SHC1: variants seen among roughly 807,000 people sequenced by gnomAD.
SHC1 encodes the protein SHC-transforming protein 1.
Under a neutral mutation model 55.9 loss-of-function variants are expected in SHC1, and 30 were observed. The observed-to-expected ratio is 0.54, with a 90% CI of 0.40 to 0.73. SHC1 has a LOEUF of 0.73. Ranked by LOEUF, SHC1 falls within the 30% of genes least tolerant of loss-of-function variation. SHC1 has a pLI of 0.00. For missense variants in SHC1, 675 were observed against 777.1 expected (o/e 0.87, Z 1.56); for synonymous variants, 309 against 306.1 (o/e 1.01, Z -0.10).
chr1:154,969,756 T>A (rs1656497080), intron 1 of SHC1, among the ~76,000 whole-genome samples: 1 of 149,312 alleles, frequency 6.7e-6, no homozygotes, highest in South Asian at 2.1e-4. Flanking sequence ...AAGAAGTCAT[T>A]CATTCCAACA....
Position 154,965,305 on chromosome 1 carries a change from G to A in SHC1, c.1626+238C>T, listed in dbSNP as rs1345228368. ...ACCTGCCTCAGCCTCCCAAAGCGCT[G>A]GGATTACAGGTGTGAGCCACCACGC... On this transcript the variant is annotated intron_variant, in intron 11 of 11. Coordinates refer to ENST00000448116, the MANE Select transcript of SHC1 (RefSeq NM_001130040.2). The A allele has an allele frequency of 1.7e-5, 23 of 1,345,384 alleles. No individual in the cohort carries two copies. In the Admixed American group the frequency reaches 5.6e-4, roughly 33 times the overall value. The allele number at this position is 1,345,384 out of a possible 1,614,324, so 83.3% of individuals were successfully genotyped here.
In SHC1 at chr1:154,965,754, G is replaced by C; in HGVS notation, c.1415C>G (p.Pro472Arg). The C allele has an allele frequency of 6.2e-7, 1 of 1,613,764 alleles. No homozygotes were observed. Among genetic ancestry groups the C allele is most frequent in the Non-Finnish European group, 8.5e-7 (1 of 1,179,710 alleles). Residue 472 changes from proline to arginine, a missense_variant, in exon 11 of 12, where the codon CCT (proline) becomes CGT (arginine). Physicochemically the swap from Pro to Arg is moderately radical, Grantham distance 103 (BLOSUM62 -2). Coordinates refer to ENST00000448116, the MANE Select transcript of SHC1 (RefSeq NM_001130040.2). The stretch of plus-strand genomic sequence containing the variant: ...CATGGACACCGACTGGGGAGGTGGA[G>C]GCACGCGAAGAGCATCTTCGAAGGG... ...MKPFEDALRV[P>R]PPPQSVSMAE... is the part of the protein sequence containing the mutation.
intron 11 of SHC1, chr1:154,965,332 T>C: frequency 6.7e-7 from 1 of 1,498,718 alleles, no homozygotes; most frequent in Non-Finnish European, 8.9e-7. Context: ...CCACCACGCC[T>C]GGCCCTGTGC....
At chr1:154,969,742 G>A (rs1656494595) in intron 1 of SHC1, among the ~76,000 whole-genome samples, 1 of 148,396 alleles carries the variant, frequency 6.7e-6, no homozygotes, top group Non-Finnish European at 1.5e-5. Flanking sequence ...ATGGAGGAAA[G>A]ATCAAGAAGT....
chr1:154,974,360 G>A (rs1571466444), upstream of SHC1: 1 of 318,784 alleles, frequency 3.1e-6, no homozygotes, highest in Non-Finnish European at 6.0e-6. Flanking sequence ...CCTCCCTGGA[G>A]AAACTTTATT....
At chr1:154,969,357 A>T in intron 2 of SHC1, 21 bp downstream of exon 2, 1 of 1,577,940 alleles carries the variant, frequency 6.3e-7, no homozygotes, top group South Asian at 1.1e-5. Context: ...GACTCCCACA[A>T]TCCACTCCCT....
chr1:154,963,901 C>G lies in SHC1; in HGVS notation c.1657G>C (p.Val553Leu). The G allele has an allele frequency of 6.2e-7, 1 of 1,614,144 alleles. No homozygotes were observed. ...VRTKDHRFES[V>L]SHLISYHMDN... ...ATGTGGTAGCTGATAAGGTGACTGA[C>G]ACTTTCAAAGCGGTGATCCTTAGTC... Residue 553 changes from valine to leucine, a missense_variant, in exon 12 of 12, where the codon GTC becomes CTC. This residue lies in a region of SHC1 where 360 missense variants were observed against 371.1 expected (regional missense o/e 0.97). Transcript: ENST00000448116.
intron 1 of SHC1, 100 bp from the exon 2 acceptor site, chr1:154,969,548 TAA>T (rs1656470554): frequency 5.2e-6 from 4 of 762,356 alleles, no homozygotes. Context: ...CTAAGGGAAG[TAA>T]AGAGGAAGAA....
chr1:154,968,331 G>A (rs1322191373), intron 4 of SHC1, 74 bp from the exon 5 acceptor site: 1 of 1,557,820 alleles, frequency 6.4e-7, no homozygotes, highest in African/African-American at 1.4e-5. Flanking sequence ...CAGAACCCTG[G>A]TGCCCCAGTC....
intron 11 of SHC1, chr1:154,964,419 C>A: frequency 2.7e-6 from 1 of 373,194 alleles, no homozygotes; most frequent in Non-Finnish European, 5.3e-6. Flanking sequence ...CACACCGCAG[C>A]CTGAGTGACA....
intron 1 of SHC1, among the ~76,000 whole-genome samples, 169 bp downstream of exon 1, chr1:154,969,863 A>G (rs1656516438): frequency 6.6e-6 from 1 of 151,794 alleles, no homozygotes; most frequent in African/African-American, 2.4e-5. Context: ...GCAAAGCTGG[A>G]AGGGAAGGGG....
intron 1 of SHC1, 56 bp downstream of exon 1, chr1:154,969,976 G>C (rs940185576): frequency 2.6e-5 from 41 of 1,585,652 alleles, no homozygotes; most frequent in South Asian, 1.8e-4. Context: ...AAGCTGGAGT[G>C]AGCATTAGAA....
In SHC1 at chr1:154,968,243, G is replaced by A. The variant is rs747472671; in HGVS notation, c.765C>T (p.His255=). The A allele has an allele frequency of 9.3e-6, 15 of 1,614,174 alleles. No homozygotes were observed. The highest frequency in any genetic ancestry group is 1.1e-5 in the Non-Finnish European group (13 of 1,180,022). The part of the protein sequence containing the change: ...AADCKQIIAN[H]HMQSISFASG... ...ATGCAAATGAGATAGATTGCATGTG[G>A]TGGTTGGCGATGATCTGAGAATTAG... is the stretch of plus-strand genomic sequence containing the variant. The change falls in exon 5 of 12, where the codon CAC becomes CAT. Residue 255 remains histidine, a synonymous_variant. Transcript: ENST00000448116.
intron 11 of SHC1, among the ~76,000 whole-genome samples, chr1:154,964,624 C>T (rs1307365342): frequency 6.6e-6 from 1 of 152,202 alleles, no homozygotes; most frequent in Non-Finnish European, 1.5e-5. Context: ...GGTAGGACTA[C>T]AGGCATGTGT....
intron 11 of SHC1, 96 bp downstream of exon 11, chr1:154,965,447 A>C: frequency 1.2e-6 from 2 of 1,612,586 alleles, no homozygotes; most frequent in Non-Finnish European, 1.7e-6. Flanking sequence ...CCCAGCGGGA[A>C]TGTCTACAAA....
rs1656656001 is a variant in SHC1, at chr1:154,970,702, A to G, written c.-176T>C. 1.9e-6 allele frequency: 1 copy of G among 539,836 alleles called. No homozygotes were observed. The allele number at this position is 539,836 out of a possible 1,614,324, so 33.4% of individuals were successfully genotyped here. A position where few individuals can be genotyped will look rare whatever the true frequency, so the allele number is the denominator to read the frequency against. Reference sequence around the variant, plus strand: ...GGCTTCCGCTCCCCAGCTCAGACCCAGACAGTTTCAGGCCCCATCCCCGCC... The same window carrying G: ...GGCTTCCGCTCCCCAGCTCAGACCCGGACAGTTTCAGGCCCCATCCCCGCC... On this transcript the variant is annotated 5_prime_UTR_variant, in exon 1 of 12. Coordinates refer to ENST00000448116, the MANE Select transcript of SHC1 (RefSeq NM_001130040.2). The surrounding 1 kb of genome is among the most constrained non-coding windows in gnomAD (Gnocchi z 5.5).
Position 154,966,444 on chromosome 1 carries a change from A to T in SHC1, c.1057T>A (p.Phe353Ile). The T allele has an allele frequency of 6.2e-7, 1 of 1,613,052 alleles. No homozygotes were observed. The highest frequency in any genetic ancestry group is 8.5e-7 in the Non-Finnish European group (1 of 1,179,502). Residue 353 changes from phenylalanine (F) to isoleucine (I), a missense_variant, in exon 8 of 12, where the codon TTC (phenylalanine) becomes ATC (isoleucine). Phe to Ile is a conservative substitution (Grantham distance 21). This residue lies in a region of SHC1 where 360 missense variants were observed against 371.1 expected (regional missense o/e 0.97). Transcript: ENST00000448116. The part of the protein sequence containing the change: ...EPPDHQYYND[F>I]PGKEPPLGGV... ...CCCAAGGGGGGTTCCTTCCCCGGGAAGTCATTATAGTACTGATGGTCAGGT... is the reference window on the plus strand; with the variant it reads ...CCCAAGGGGGGTTCCTTCCCCGGGATGTCATTATAGTACTGATGGTCAGGT...
intron 4 of SHC1, 113 bp from the exon 5 acceptor site, chr1:154,968,370 C>T (rs548040715): frequency 1.3e-6 from 2 of 1,547,962 alleles, no homozygotes; most frequent in Admixed American, 1.7e-5. Flanking sequence ...ATCCCATATC[C>T]TCATTTCCTC....
intron 4 of SHC1, 33 bp from the exon 5 acceptor site, chr1:154,968,290 G>A: frequency 1.2e-6 from 2 of 1,610,404 alleles, no homozygotes; most frequent in Non-Finnish European, 1.7e-6. Context: ...AAGAAGGAAG[G>A]GAATGCCATG....
Sources: gnomAD v4.1 joint callset for allele counts (sites outside exome capture counted in the v4.1 genomes callset) on GRCh38, gnomAD v4.1.1 for gene constraint, gnomAD v4.1.1 regional missense constraint, Gnocchi (gnomAD v3.1) non-coding constraint, MANE v1.5 for transcripts, NCBI Gene and HGNC (gene_info 2026-07-23, HGNC 2026-07-21) for gene names.